The following EPB41L4B variants were observed in gnomAD, a reference collection of about 807,000 sequenced individuals.
EPB41L4B encodes band 4.1-like protein 4B.
EPB41L4B carries 30 observed loss-of-function variants against 112.5 expected under a neutral mutation model. That is an observed-to-expected ratio of 0.27 (90% CI 0.20 to 0.36). EPB41L4B has a LOEUF of 0.36. Among genes scored for constraint, EPB41L4B ranks in the 10% least tolerant of loss-of-function variants. EPB41L4B has a pLI of 1.00. For missense variants in EPB41L4B, 1,024 were observed against 1,133.3 expected, an observed-to-expected ratio of 0.90 and a Z score of 1.38; for synonymous variants, 408 against 439.7, an observed-to-expected ratio of 0.93 and a Z score of 0.90.
Position 109,243,620 on chromosome 9 carries a change from G to A in EPB41L4B, c.1407C>T (p.Val469=), listed in dbSNP as rs753205412. The A allele has an allele frequency of 1.2e-6, 2 of 1,613,992 alleles. No homozygotes were observed. The highest frequency in any genetic ancestry group is 1.7e-6 in the Non-Finnish European group (2 of 1,179,974). The change falls in exon 15 of 26, where the codon GTC becomes GTT. Residue 469 remains valine (V), a splice_region_variant and synonymous_variant. Transcript: ENST00000374566. ...QPRWHPHSPN[V]SYPLPSPVLS... Reference sequence around the variant, plus strand: ...GCTCTGGAAGCACCAGCACTTACCTGACATTTGGAGAGTGAGGATGCCACC... The same window carrying A: ...GCTCTGGAAGCACCAGCACTTACCTAACATTTGGAGAGTGAGGATGCCACC...
intron 1 of EPB41L4B, among the ~76,000 whole-genome samples, chr9:109,287,839 T>C (rs140170815): frequency 6.6e-6 from 1 of 152,244 alleles, no homozygotes; most frequent in East Asian, 1.9e-4. Flanking sequence ...TGGGCTTAAG[T>C]GATCCTTCTA....
intron 21 of EPB41L4B, among the ~76,000 whole-genome samples, chr9:109,192,940 C>T (rs1832511665): frequency 6.6e-6 from 1 of 152,190 alleles, no homozygotes; most frequent in African/African-American, 2.4e-5. Flanking sequence ...AGAGGGAGCC[C>T]TGTGGCCTTT....
intron 4 of EPB41L4B, among the ~76,000 whole-genome samples, chr9:109,267,100 AT>A (rs1384657388): frequency 1.3e-5 from 2 of 151,964 alleles, no homozygotes; most frequent in African/African-American, 4.8e-5. Flanking sequence ...TCAAGAGAAT[AT>A]TTTGCAATCT....
chr9:109,184,190 A>G (rs1017126991), intron 23 of EPB41L4B, among the ~76,000 whole-genome samples: 1 of 152,240 alleles, frequency 6.6e-6, no homozygotes, highest in East Asian at 1.9e-4. Context: ...TAAGACTCTC[A>G]GATCATCATG....
intron 15 of EPB41L4B, among the ~76,000 whole-genome samples, chr9:109,235,438 C>A (rs543468249): frequency 1.3e-4 from 19 of 145,906 alleles, no homozygotes; most frequent in Non-Finnish European, 2.2e-4. Context: ...CACTGTCACC[C>A]AGGCTGGAGT....
At chr9:109,208,874 C>T (rs1435024231) in intron 17 of EPB41L4B, among the ~76,000 whole-genome samples, 1 of 151,938 alleles carries the variant, frequency 6.6e-6, no homozygotes, top group Non-Finnish European at 1.5e-5. Context: ...ATTTCATATC[C>T]CAATGCTAAT....
At chr9:109,308,725 C>G (rs1218510667) in intron 1 of EPB41L4B, among the ~76,000 whole-genome samples, 3 of 152,176 alleles carry the variant, frequency 2.0e-5, no homozygotes, top group African/African-American at 7.2e-5. Context: ...ACAATCAACT[C>G]TATTTTTTTA....
intron 2 of EPB41L4B, among the ~76,000 whole-genome samples, chr9:109,271,128 CTGGTG>C: frequency 6.6e-6 from 1 of 152,352 alleles, no homozygotes; most frequent in East Asian, 1.9e-4. Flanking sequence ...ACACCTGTGG[CTGGTG>C]TGCATTCACA....
chr9:109,177,901 T>C (rs1012988808), intron 24 of EPB41L4B, among the ~76,000 whole-genome samples: 4 of 151,872 alleles, frequency 2.6e-5, no homozygotes, highest in Non-Finnish European at 4.4e-5. Context: ...ACAGGTTCTC[T>C]CTCTCTTCCT....
chr9:109,280,671 C>T (rs550860218), intron 1 of EPB41L4B, among the ~76,000 whole-genome samples: 2 of 152,278 alleles, frequency 1.3e-5, no homozygotes, highest in South Asian at 4.1e-4. Context: ...CACAAGGATA[C>T]TGAAGTCTCT....
chr9:109,300,449 A>G (rs943852605), intron 1 of EPB41L4B: 2 of 152,130 alleles, frequency 1.3e-5, no homozygotes, highest in Non-Finnish European at 2.9e-5. Context: ...TCTTAAATCC[A>G]TTACTTTACC....
rs7858372 is a variant in EPB41L4B at position 109,268,669 on chromosome 9, C to A, written c.412-236G>T. ...ATCCCAGCACTTTGGGAGGCCGAGG[C>A]GGGCGGATCACGAGGTCAGGAGATC... On this transcript the variant is annotated intron_variant, in intron 2 of 25. Transcript: ENST00000374566. Among the ~76,000 whole-genome samples the A allele has an allele frequency of 5.3e-5, 8 of 152,016 alleles. No homozygotes were observed. The South Asian group carries it at 1.7e-3, about 32-fold the overall frequency.
chr9:109,233,460 C>A (rs1241095532), intron 15 of EPB41L4B, among the ~76,000 whole-genome samples: 1 of 152,026 alleles, frequency 6.6e-6, no homozygotes, highest in Non-Finnish European at 1.5e-5. Context: ...CTTTATGTTG[C>A]CCACATTCCC....
At chr9:109,212,585 G>A (rs1373225925) in intron 17 of EPB41L4B, among the ~76,000 whole-genome samples, 1 of 152,174 alleles carries the variant, frequency 6.6e-6, no homozygotes, top group Non-Finnish European at 1.5e-5. Flanking sequence ...GGTCAGGGAC[G>A]GGAAGGGCAG....
chr9:109,194,090 G>A, intron 21 of EPB41L4B, 130 bp downstream of exon 21: 1 of 950,748 alleles, frequency 1.1e-6, no homozygotes, highest in Non-Finnish European at 1.5e-6. Context: ...TCTGGTTGTT[G>A]CTGTTGTTTT....
chr9:109,220,316 A>T (rs1833527525), intron 15 of EPB41L4B, among the ~76,000 whole-genome samples: 1 of 152,198 alleles, frequency 6.6e-6, no homozygotes, highest in South Asian at 2.1e-4. Flanking sequence ...AGTAGCAGGA[A>T]GGGAGACTAA....
At chr9:109,233,716 G>C (rs1834035781) in intron 15 of EPB41L4B, among the ~76,000 whole-genome samples, 1 of 152,064 alleles carries the variant, frequency 6.6e-6, no homozygotes, top group South Asian at 2.1e-4. Flanking sequence ...ATTTTTAGCA[G>C]AGATGGGGTT....
At chr9:109,293,323 C>T (rs554628562) in intron 1 of EPB41L4B, among the ~76,000 whole-genome samples, 4 of 151,296 alleles carry the variant, frequency 2.6e-5, no homozygotes, top group African/African-American at 7.3e-5. Flanking sequence ...CACAGCATGA[C>T]GTTAACTTAG....
At chr9:109,251,540 A>G (rs1405483372) in intron 12 of EPB41L4B, 29 bp from the exon 13 acceptor site, 3 of 1,609,448 alleles carry the variant, frequency 1.9e-6, no homozygotes, top group East Asian at 2.2e-5. Context: ...AAGTTATGAC[A>G]TCTTAGAGAA....
Sources: gnomAD v4.1 joint callset for allele counts (sites outside exome capture counted in the v4.1 genomes callset) on GRCh38, gnomAD v4.1.1 for gene constraint, MANE v1.5 for transcripts, NCBI Gene and HGNC (gene_info 2026-07-23, HGNC 2026-07-21) for gene names.